BICRAL: variants seen among roughly 807,000 people sequenced by gnomAD.
The protein encoded by BICRAL is BRD4-interacting chromatin-remodeling complex-associated protein-like.
In BICRAL, 8 loss-of-function variants were observed where a neutral mutation model predicts 91.8. That is an observed-to-expected ratio of 0.09 (90% CI 0.05 to 0.16). The LOEUF is 0.16. Ranked by LOEUF, BICRAL falls within the 10% of genes least tolerant of loss-of-function variation. The probability of loss-of-function intolerance (pLI) is 1.00; values close to 1 mark genes in which losing one functional copy is unlikely to be tolerated. For missense variants in BICRAL, 1,038 were observed against 1,310.9 expected (o/e 0.79, Z 3.21); for synonymous variants, 445 against 491.1 (o/e 0.91, Z 1.24).
intron 1 of BICRAL, among the ~76,000 whole-genome samples, chr6:42,782,773 G>C (rs923048145): frequency 6.6e-5 from 10 of 151,932 alleles, no homozygotes; most frequent in Non-Finnish European, 1.3e-4. Context: ...GAGGGAGCAG[G>C]GCTCGGCGAG....
chr6:42,857,204 G>C lies in BICRAL; in HGVS notation c.2222G>C (p.Gly741Ala). 1 of 1,613,656 alleles carries C rather than the reference G, an allele frequency of 6.2e-7. No homozygotes were observed. The highest frequency in any genetic ancestry group is 8.5e-7 in the Non-Finnish European group (1 of 1,179,786). The change falls in exon 10 of 13, where the codon GGC becomes GCC. Residue 741 changes from glycine (G) to alanine (A), a missense_variant. Gly to Ala is a moderately conservative substitution (Grantham distance 60). Transcript: ENST00000314073. ...CTGCTCTCCTACCACGTGTGCCAGG[G>C]CTCCATGCCCACTGAAGAAGACTTG... Reference protein sequence around the residue: ...QRLLSYHVCQGSMPTEEDLRK... With the variant: ...QRLLSYHVCQASMPTEEDLRK...
chr6:42,865,760 T>C lies in BICRAL; in HGVS notation c.*314T>C. The C allele has an allele frequency of 3.7e-6, 1 of 268,958 alleles. No homozygotes were observed. Among genetic ancestry groups the C allele is most frequent in the Admixed American group, 4.9e-5 (1 of 20,426 alleles). The allele number at this position is 268,958 out of a possible 1,614,324, so 16.7% of individuals were successfully genotyped here. ...TATTTGTTTTGTTTTTTAAAAACAC[T>C]GTAACTCAATGAGACCACAGTATAC... On this transcript the variant is annotated 3_prime_UTR_variant, in exon 13 of 13. Transcript: ENST00000314073.
chr6:42,844,552 G>T (rs1356555144), intron 6 of BICRAL, among the ~76,000 whole-genome samples: 2 of 75,510 alleles, frequency 2.6e-5, no homozygotes, highest in African/African-American at 1.1e-4. Context: ...AAAAGAGGGT[G>T]TTGCAGAAAG....
chr6:42,798,197 G>A (rs1763464532), intron 1 of BICRAL, among the ~76,000 whole-genome samples: 1 of 152,040 alleles, frequency 6.6e-6, no homozygotes, highest in South Asian at 2.1e-4. Flanking sequence ...AAGGGGGTAG[G>A]GAGGGAGGGA....
At chr6:42,845,220 T>G (rs1303234750) in intron 6 of BICRAL, among the ~76,000 whole-genome samples, 24 of 77,718 alleles carry the variant, frequency 3.1e-4, no homozygotes, top group South Asian at 4.6e-4. Context: ...TTTTTTTTTT[T>G]TTTTTTTTTT....
chr6:42,758,469 C>T (rs1666117964), intron 1 of BICRAL, among the ~76,000 whole-genome samples: 1 of 152,202 alleles, frequency 6.6e-6, no homozygotes, highest in Non-Finnish European at 1.5e-5. Flanking sequence ...TCCATGTATT[C>T]GTGCTGCACT....
intron 6 of BICRAL, among the ~76,000 whole-genome samples, chr6:42,840,219 T>G (rs1045122946): frequency 1.7e-4 from 26 of 150,278 alleles, no homozygotes; most frequent in South Asian, 2.1e-4. Context: ...TTTTGTTCTT[T>G]TTTGTTTGTT....
intron 1 of BICRAL, among the ~76,000 whole-genome samples, chr6:42,784,863 G>C (rs896956302): frequency 2.5e-4 from 38 of 151,992 alleles, no homozygotes; most frequent in Non-Finnish European, 4.3e-4. Context: ...GTTCAATATT[G>C]ACATTCTGGC....
At chr6:42,770,268 A>G (rs1431986471) in intron 1 of BICRAL, among the ~76,000 whole-genome samples, 1 of 151,896 alleles carries the variant, frequency 6.6e-6, no homozygotes, top group Non-Finnish European at 1.5e-5. Context: ...TTGCTCTGTC[A>G]CCCAGGCTGG....
chr6:42,792,899 G>A (rs576291617), intron 1 of BICRAL, among the ~76,000 whole-genome samples: 1 of 151,384 alleles, frequency 6.6e-6, no homozygotes, highest in African/African-American at 2.4e-5. Flanking sequence ...GGCGACGAGA[G>A]TGAAACTCTG....
At chr6:42,822,529 A>C (rs1239676942) in intron 3 of BICRAL, among the ~76,000 whole-genome samples, 1 of 151,372 alleles carries the variant, frequency 6.6e-6, no homozygotes, top group African/African-American at 2.4e-5. Flanking sequence ...GATTACAGGC[A>C]TGAGCCACTG....
chr6:42,787,902 A>G (rs1427552144), intron 1 of BICRAL, among the ~76,000 whole-genome samples: 1 of 145,366 alleles, frequency 6.9e-6, no homozygotes, highest in South Asian at 2.2e-4. Flanking sequence ...TTTTTTTTTA[A>G]TTTTTTTTTA....
chr6:42,765,173 T>C (rs1237933248), intron 1 of BICRAL, among the ~76,000 whole-genome samples: 1 of 152,218 alleles, frequency 6.6e-6, no homozygotes, highest in Admixed American at 6.5e-5. Flanking sequence ...TTCCCTTCTG[T>C]AGTTGGTAAT....
intron 6 of BICRAL, among the ~76,000 whole-genome samples, chr6:42,845,907 C>CAA (rs70990152): frequency 1.1e-4 from 16 of 139,448 alleles, no homozygotes; most frequent in African/African-American, 4.2e-4. Context: ...ACTAAAAATA[C>CAA]AAAAAAAAAA....
chr6:42,795,935 T>G (rs970200471), intron 1 of BICRAL, among the ~76,000 whole-genome samples: 8 of 152,338 alleles, frequency 5.3e-5, no homozygotes, highest in Admixed American at 4.6e-4. Flanking sequence ...TCTAGGCAGT[T>G]GGATCATATG....
chr6:42,792,412 C>G (rs1763300103), intron 1 of BICRAL, among the ~76,000 whole-genome samples: 1 of 150,046 alleles, frequency 6.7e-6, no homozygotes, highest in South Asian at 2.1e-4. Flanking sequence ...GGATTACATG[C>G]ATGTACCACC....
intron 1 of BICRAL, among the ~76,000 whole-genome samples, chr6:42,804,745 T>C (rs1455174224): frequency 6.6e-6 from 1 of 152,200 alleles, no homozygotes; most frequent in African/African-American, 2.4e-5. Context: ...GCCAGTATAT[T>C]CAGTTCTCTG....
chr6:42,756,651 TA>T (rs1352077980), intron 1 of BICRAL, among the ~76,000 whole-genome samples: 1 of 151,922 alleles, frequency 6.6e-6, no homozygotes, highest in African/African-American at 2.4e-5. Context: ...TTTTTTTCTA[TA>T]CGTAAGTCTG....
At chr6:42,756,568 ACTAT>A (rs1252563618) in intron 1 of BICRAL, among the ~76,000 whole-genome samples, 3 of 151,778 alleles carry the variant, frequency 2.0e-5, no homozygotes, top group Non-Finnish European at 4.4e-5. Flanking sequence ...TTTCCATGTA[ACTAT>A]CTACTATCCC....
Sources: gnomAD v4.1 joint callset for allele counts (sites outside exome capture counted in the v4.1 genomes callset) on GRCh38, gnomAD v4.1.1 for gene constraint, MANE v1.5 for transcripts, NCBI Gene and HGNC (gene_info 2026-07-23, HGNC 2026-07-21) for gene names.